The following FGD4 variants were observed in gnomAD, a reference collection of about 807,000 sequenced individuals.
FGD4 encodes FYVE, RhoGEF and PH domain-containing protein 4.
In FGD4, 42 loss-of-function variants were observed where a neutral mutation model predicts 102.0. The ratio of observed to expected loss-of-function variants is 0.41; its 90% CI spans 0.32 to 0.53. FGD4 has a LOEUF of 0.53. Ranked by LOEUF, FGD4 falls within the 20% of genes least tolerant of loss-of-function variation. The pLI, the probability that FGD4 is intolerant of heterozygous loss-of-function variation, is 0.21. For missense variants in FGD4, 902 were observed against 1,078.2 expected, an observed-to-expected ratio of 0.84 and a Z score of 2.29; for synonymous variants, 380 against 375.7, an observed-to-expected ratio of 1.01 and a Z score of -0.13.
chr12:32,615,056 A>C (rs1949363598), intron 10 of FGD4, among the ~76,000 whole-genome samples: 1 of 152,236 alleles, frequency 6.6e-6, no homozygotes, highest in Non-Finnish European at 1.5e-5. Flanking sequence ...CATAATAGCC[A>C]AAAAATTTGA....
intron 1 of FGD4, among the ~76,000 whole-genome samples, chr12:32,522,240 A>T (rs1160715270): frequency 6.6e-6 from 1 of 151,778 alleles, no homozygotes; most frequent in Non-Finnish European, 1.5e-5. Context: ...CATGTGTAAG[A>T]TTATCATTAT....
At chr12:32,486,426 T>C (rs1943902690) in intron 1 of FGD4, among the ~76,000 whole-genome samples, 1 of 152,152 alleles carries the variant, frequency 6.6e-6, no homozygotes, top group Non-Finnish European at 1.5e-5. Flanking sequence ...TAGCACAGAG[T>C]GTTTCCTGAG....
chr12:32,423,830 G>A (rs1406887416), intron 1 of FGD4, among the ~76,000 whole-genome samples: 1 of 150,112 alleles, frequency 6.7e-6, no homozygotes, highest in Admixed American at 6.6e-5. Flanking sequence ...GCCAGCATCT[G>A]TAAATTTACT....
chr12:32,586,222 G>T (rs557630379), intron 4 of FGD4, among the ~76,000 whole-genome samples: 96 of 152,232 alleles, frequency 6.3e-4, no homozygotes, highest in African/African-American at 2.0e-3. Context: ...TAAAAGTTTG[G>T]AAGTTTAAAA....
chr12:32,569,547 A>G (rs1387503525), intron 2 of FGD4, among the ~76,000 whole-genome samples: 1 of 152,070 alleles, frequency 6.6e-6, no homozygotes, highest in Non-Finnish European at 1.5e-5. Context: ...CCAGCTTTTC[A>G]CGGAGGCCTG....
intron 1 of FGD4, among the ~76,000 whole-genome samples, chr12:32,523,518 G>C (rs1940768022): frequency 1.3e-5 from 2 of 152,206 alleles, no homozygotes. Flanking sequence ...GTCATGGTAG[G>C]TATGGATGAA....
At chr12:32,522,488 G>T (rs888581021) in intron 1 of FGD4, among the ~76,000 whole-genome samples, 1 of 152,200 alleles carries the variant, frequency 6.6e-6, no homozygotes, top group Non-Finnish European at 1.5e-5. Context: ...AAAAAATAGA[G>T]AAATGAAAGC....
At chr12:32,609,318 A>G (rs1015339033) in intron 8 of FGD4, among the ~76,000 whole-genome samples, 1 of 152,060 alleles carries the variant, frequency 6.6e-6, no homozygotes, top group East Asian at 1.9e-4. Flanking sequence ...ACTACTTCCT[A>G]TGAATTCTTC....
At chr12:32,504,528 T>G (rs1381303239) in intron 1 of FGD4, among the ~76,000 whole-genome samples, 1 of 152,210 alleles carries the variant, frequency 6.6e-6, no homozygotes, top group African/African-American at 2.4e-5. Context: ...TCACCATCCT[T>G]ACTTGTGGGG....
intron 1 of FGD4, among the ~76,000 whole-genome samples, chr12:32,492,670 A>C (rs1944145561): frequency 6.6e-6 from 1 of 152,208 alleles, no homozygotes; most frequent in Admixed American, 6.5e-5. Context: ...TGATATATTC[A>C]TGTGTAGAGG....
At chr12:32,572,729 C>A (rs1945774400) in intron 2 of FGD4, among the ~76,000 whole-genome samples, 1 of 151,938 alleles carries the variant, frequency 6.6e-6, no homozygotes, top group African/African-American at 2.4e-5. Flanking sequence ...TTTTTATTTT[C>A]TTTTTAGTTT....
chr12:32,602,868 G>A (rs1213050357), intron 7 of FGD4, among the ~76,000 whole-genome samples: 1 of 152,118 alleles, frequency 6.6e-6, no homozygotes, highest in Non-Finnish European at 1.5e-5. Flanking sequence ...TTCTTGGCAT[G>A]GGAATTCTGT....
In FGD4 at chr12:32,551,576, C is replaced by A. The variant is rs185103273; in HGVS notation, c.167-12561C>A. Among the ~76,000 whole-genome samples the A allele has an allele frequency of 3.9e-3, 591 of 152,208 alleles. 7 individuals are homozygous for A. The highest frequency in any genetic ancestry group is 0.014 in the African/African-American group (562 of 41,530). Reference sequence around the variant, plus strand: ...AATGAGGGTTATTTGACAGGGCTGACTTGAAGAATGTTTAGATTGCTGTAG... The same window carrying A: ...AATGAGGGTTATTTGACAGGGCTGAATTGAAGAATGTTTAGATTGCTGTAG... On this transcript the variant is annotated intron_variant, in intron 1 of 16. Transcript: ENST00000534526.
At chr12:32,498,798 T>G (rs1937982830) in intron 1 of FGD4, among the ~76,000 whole-genome samples, 1 of 152,192 alleles carries the variant, frequency 6.6e-6, no homozygotes, top group Non-Finnish European at 1.5e-5. Flanking sequence ...AGACAGGGTT[T>G]CACCATGTTG....
chr12:32,399,743 C>A lies in FGD4; in HGVS notation c.-51C>A, dbSNP rs556315019. ...GGCGACGCCCCCCAGGGGCCGCTCGCGGCTGGACGGGAGCGGGAGGAGTCG... is the reference window on the plus strand; with the variant it reads ...GGCGACGCCCCCCAGGGGCCGCTCGAGGCTGGACGGGAGCGGGAGGAGTCG... On this transcript the variant is annotated 5_prime_UTR_variant, in exon 1 of 17. Coordinates refer to ENST00000534526, the MANE Select transcript of FGD4 (RefSeq NM_001370298.3). The A allele has an allele frequency of 6.6e-7, 1 of 1,518,434 alleles. No individual in the cohort carries two copies. The highest frequency in any genetic ancestry group is 2.0e-5 in the Admixed American group (1 of 50,038). The allele number at this position is 1,518,434 out of a possible 1,614,324, so 94.1% of individuals were successfully genotyped here.
chr12:32,432,350 GCGCC>G (rs76981766), intron 1 of FGD4, among the ~76,000 whole-genome samples: 70,024 of 150,134 alleles, frequency 0.47, 17,218 homozygotes, highest in Non-Finnish European at 0.55. Flanking sequence ...GTGAGCCACC[GCGCC>G]CGACCAATCC....
chr12:32,412,790 C>T (rs1941256876), intron 1 of FGD4, among the ~76,000 whole-genome samples: 1 of 151,862 alleles, frequency 6.6e-6, no homozygotes, highest in African/African-American at 2.4e-5. Flanking sequence ...CCATGTTGGC[C>T]AGGATGGTCT....
intron 1 of FGD4, among the ~76,000 whole-genome samples, chr12:32,401,483 A>G (rs2733697): frequency 0.094 from 14,311 of 151,478 alleles, 1,280 homozygotes; most frequent in African/African-American, 0.21. Context: ...CTGGTCTCGA[A>G]CTCCTGATCT....
intron 1 of FGD4, among the ~76,000 whole-genome samples, chr12:32,530,941 G>GTTTTTTTTTTTTTTTTTTT (rs768536136): frequency 8.5e-5 from 6 of 70,480 alleles, no homozygotes; most frequent in African/African-American, 3.4e-4. Flanking sequence ...CCTAGCTTTG[G>GTTTTTTTTTTTTTTTTTTT]TTTTTTTTTT....
Sources: gnomAD v4.1 joint callset for allele counts (sites outside exome capture counted in the v4.1 genomes callset) on GRCh38, gnomAD v4.1.1 for gene constraint, MANE v1.5 for transcripts, NCBI Gene and HGNC (gene_info 2026-07-23, HGNC 2026-07-21) for gene names.